Variants in PCDHA3 observed in about 807,000 individuals in gnomAD.
The protein encoded by PCDHA3 is protocadherin alpha-3.
A neutral mutation model predicts 62.2 loss-of-function variants in PCDHA3; 41 were observed. The observed-to-expected ratio is 0.66, with a 90% CI of 0.51 to 0.86. The LOEUF is 0.86. PCDHA3 is among the 40% of genes least tolerant of loss of function. The pLI, the probability that PCDHA3 is intolerant of heterozygous loss-of-function variation, is 0.00. For missense variants in PCDHA3, 1,304 were observed against 1,241.2 expected, an observed-to-expected ratio of 1.05 and a Z score of -0.76; for synonymous variants, 640 against 555.4, an observed-to-expected ratio of 1.15 and a Z score of -2.14.
chr5:140,916,406 G>A (rs988786781), intron 1 of PCDHA3, among the ~76,000 whole-genome samples: 1 of 152,186 alleles, frequency 6.6e-6, no homozygotes, highest in Admixed American at 6.5e-5. Flanking sequence ...GATCACACCT[G>A]AAGTCAGCAC....
chr5:140,871,561 T>C, intron 1 of PCDHA3: 1 of 1,485,946 alleles, frequency 6.7e-7, no homozygotes, highest in Non-Finnish European at 9.0e-7. Context: ...CAGTTTTTTT[T>C]CACGGATTTT....
chr5:140,884,568 C>T (rs2060268107), intron 1 of PCDHA3: 2 of 1,614,210 alleles, frequency 1.2e-6, no homozygotes, highest in Non-Finnish European at 1.7e-6. Flanking sequence ...CCGCATAAGA[C>T]GGACCTCATG....
chr5:140,877,835 G>A, intron 1 of PCDHA3: 11 of 1,586,326 alleles, frequency 6.9e-6, no homozygotes, highest in Non-Finnish European at 9.4e-6. Context: ...AATCCTCCCA[G>A]TGAAGTAAGT....
At chr5:140,890,747 G>C (rs2062780711) in intron 1 of PCDHA3, among the ~76,000 whole-genome samples, 1 of 152,024 alleles carries the variant, frequency 6.6e-6, no homozygotes, top group African/African-American at 2.4e-5. Context: ...TACTATTTCT[G>C]TCATGCTTTA....
At chr5:140,988,989 G>C (rs981946293) in intron 3 of PCDHA3, 1 of 152,184 alleles carries the variant, frequency 6.6e-6, no homozygotes, top group Admixed American at 6.5e-5. Flanking sequence ...CTAATGCAGG[G>C]TAAGGAAATA....
chr5:140,809,648 G>A (rs1764517800), intron 1 of PCDHA3: 1 of 1,499,082 alleles, frequency 6.7e-7, no homozygotes, highest in South Asian at 1.4e-5. Context: ...TTATTTCTAA[G>A]AGTCAAATTT....
At chr5:141,001,953 G>C (rs55743067) in intron 3 of PCDHA3, among the ~76,000 whole-genome samples, 27 of 152,290 alleles carry the variant, frequency 1.8e-4, no homozygotes, top group Non-Finnish European at 3.5e-4. Context: ...AAGGAGGAGG[G>C]AGAGGCGGGG....
In PCDHA3 at chr5:140,830,182, C is replaced by T. The variant is rs2150182524; in HGVS notation, c.2394+26591C>T. The T allele has an allele frequency of 8.7e-6, 14 of 1,613,656 alleles. No homozygotes were observed. The African/African-American group carries it at 1.9e-4, about 21-fold the overall frequency. ...CAGAGGCGGCGCTGGTGGATGTCAA[C>T]GTGTACCTGATCATCGCCATCTGCG... On this transcript the variant is annotated intron_variant, in intron 1 of 3. Transcript: ENST00000522353.
At chr5:140,883,126 G>T (rs781992873) in intron 1 of PCDHA3, 1 of 1,614,036 alleles carries the variant, frequency 6.2e-7, no homozygotes, top group Non-Finnish European at 8.5e-7. Context: ...GGCCTGTATG[G>T]CCTGCAGTGG....
chr5:140,875,792 A>G, intron 1 of PCDHA3: 1 of 1,614,116 alleles, frequency 6.2e-7, no homozygotes, highest in East Asian at 2.2e-5. Context: ...ATCCACCTGG[A>G]GGTGATCGTG....
At chr5:141,003,982 G>A (rs914206731) in intron 3 of PCDHA3, among the ~76,000 whole-genome samples, 25 of 152,152 alleles carry the variant, frequency 1.6e-4, no homozygotes, top group African/African-American at 5.6e-4. Flanking sequence ...GGGACTTGCC[G>A]GAGATCCTAG....
At chr5:140,985,579 C>T (rs2097158687) in intron 3 of PCDHA3, among the ~76,000 whole-genome samples, 1 of 152,084 alleles carries the variant, frequency 6.6e-6, no homozygotes, top group African/African-American at 2.4e-5. Context: ...GTGCCTAAGC[C>T]TCCTTATACT....
chr5:140,877,467 G>A (rs1554169776), intron 1 of PCDHA3: 1 of 1,613,750 alleles, frequency 6.2e-7, no homozygotes, highest in African/African-American at 1.3e-5. Flanking sequence ...CGGCCACGGT[G>A]CTGGTGTCGC....
intron 1 of PCDHA3, among the ~76,000 whole-genome samples, chr5:140,917,358 C>T (rs2153543502): frequency 6.7e-6 from 1 of 149,798 alleles, no homozygotes; most frequent in East Asian, 1.9e-4. Flanking sequence ...GCTTCTGTTC[C>T]ACTATCTTGC....
At position 140,850,419 on chromosome 5, in the gene PCDHA3, G is replaced by C. The variant is rs1465099022; in HGVS notation, c.2394+46828G>C. On this transcript the variant is annotated intron_variant, in intron 1 of 3. Transcript: ENST00000522353. ...AACGCGTGCCCTGGACGAAACGGAC[G>C]CACCGCGCCAGCGCCTACTGGTGCT... is the stretch of plus-strand genomic sequence containing the variant. The C allele has an allele frequency of 1.9e-6, 3 of 1,597,838 alleles. No homozygotes were observed. The South Asian group carries it at 3.3e-5, about 18-fold the overall frequency.
chr5:140,892,144 G>T (rs549500463), intron 1 of PCDHA3, among the ~76,000 whole-genome samples: 1 of 152,102 alleles, frequency 6.6e-6, no homozygotes, highest in Non-Finnish European at 1.5e-5. Context: ...TGGTTTTAGC[G>T]TCTATTTCTG....
intron 2 of PCDHA3, among the ~76,000 whole-genome samples, chr5:140,981,822 G>A (rs1229465317): frequency 6.6e-6 from 1 of 151,926 alleles, no homozygotes; most frequent in Non-Finnish European, 1.5e-5. Flanking sequence ...ATCTCTGCTT[G>A]CCTCTAAAGG....
intron 1 of PCDHA3, chr5:140,835,550 G>A (rs2150238001): frequency 6.2e-7 from 1 of 1,613,928 alleles, no homozygotes; most frequent in South Asian, 1.1e-5. Context: ...CCTGCTCCCT[G>A]ACGCCCCGCG....
intron 1 of PCDHA3, among the ~76,000 whole-genome samples, chr5:140,886,288 A>T (rs1227734409): frequency 6.6e-6 from 1 of 151,870 alleles, no homozygotes; most frequent in Non-Finnish European, 1.5e-5. Flanking sequence ...AATTATTTTT[A>T]TATTTATTTA....
Sources: gnomAD v4.1 joint callset for allele counts (sites outside exome capture counted in the v4.1 genomes callset) on GRCh38, gnomAD v4.1.1 for gene constraint, MANE v1.5 for transcripts, NCBI Gene and HGNC (gene_info 2026-07-23, HGNC 2026-07-21) for gene names.